The following SVOPL variants were observed in gnomAD, a reference collection of about 807,000 sequenced individuals.
The protein encoded by SVOPL is SVOP like, also known as putative transporter SVOPL.
In SVOPL, 60 loss-of-function variants were observed where a neutral mutation model predicts 61.0. The observed-to-expected ratio is 0.98, with a 90% CI of 0.80 to 1.22. SVOPL has a LOEUF of 1.22. Among genes scored for constraint, SVOPL ranks in the 50% most tolerant of loss-of-function variants. The pLI is 0.00. For synonymous variants in SVOPL, 279 were observed against 250.0 expected (o/e 1.12, Z -1.09); for missense variants, 662 against 643.9 (o/e 1.03, Z -0.30).
chr7:138,661,856 T>C (rs1428580846), intron 5 of SVOPL: 1 of 984,700 alleles, frequency 1.0e-6, no homozygotes, highest in African/African-American at 1.7e-5. Context: ...AACTCCCTAC[T>C]TATATTAATT....
rs1799534993 is a variant in SVOPL at position 138,620,923 on chromosome 7, C to T, written c.1353+123G>A. 6 of 863,272 alleles carry T rather than the reference C, an allele frequency of 7.0e-6. No homozygotes were observed. In the South Asian group the frequency reaches 8.0e-5, roughly 11 times the overall value. 53.5% of individuals were successfully genotyped at this position (863,272 alleles called of 1,614,324 possible). ...AATCCACCAAACAGCAGGGAAACGG[C>T]ACCTCCAGAAAACTCATGAAGTCAA... On this transcript the variant is annotated intron_variant, in intron 14 of 15. Coordinates refer to ENST00000674285, the MANE Select transcript of SVOPL (RefSeq NM_001139456.2).
chr7:138,657,956 T>G (rs555747178), intron 6 of SVOPL, among the ~76,000 whole-genome samples: 28 of 152,310 alleles, frequency 1.8e-4, no homozygotes, highest in African/African-American at 6.5e-4. Context: ...GCCATGGCAT[T>G]TGTAAGCTGT....
intron 4 of SVOPL, chr7:138,663,399 C>T: frequency 3.6e-6 from 5 of 1,375,030 alleles, no homozygotes; most frequent in Non-Finnish European, 4.7e-6. Flanking sequence ...CCGCTTGTTG[C>T]TAGAGGACGG....
intron 14 of SVOPL, among the ~76,000 whole-genome samples, chr7:138,616,374 T>C (rs1372506219): frequency 1.3e-5 from 2 of 151,770 alleles, no homozygotes; most frequent in Admixed American, 6.6e-5. Flanking sequence ...TTTGCTCTTG[T>C]TGACCAGGCT....
intron 15 of SVOPL, among the ~76,000 whole-genome samples, chr7:138,595,125 G>A (rs1199301077): frequency 6.6e-6 from 1 of 152,126 alleles, no homozygotes; most frequent in East Asian, 1.9e-4. Context: ...GTTTCTTAGA[G>A]TAGTTGTAAC....
chr7:138,644,843 A>G lies in SVOPL; in HGVS notation c.663T>C (p.Phe221=). ...CATTGAACCGGGCAGATTCAGGAATAAACTGGGTAGAGATTACAAAGAACA... is the reference window on the plus strand; with the variant it reads ...CATTGAACCGGGCAGATTCAGGAATGAACTGGGTAGAGATTACAAAGAACA... ...PGIILIVAFK[F]IPESARFNVS... Residue 221 remains phenylalanine, a splice_region_variant and synonymous_variant, in exon 9 of 16, where the codon TTT becomes TTC. Coordinates refer to ENST00000674285, the MANE Select transcript of SVOPL (RefSeq NM_001139456.2). 6.2e-7 allele frequency: 1 copy of G among 1,614,176 alleles called. No individual in the cohort carries two copies. The highest frequency in any genetic ancestry group is 8.5e-7 in the Non-Finnish European group (1 of 1,180,032).
Position 138,642,831 on chromosome 7 carries a change from C to CAAAAAAAAAA in SVOPL, c.789+1876_789+1885dup, listed in dbSNP as rs749603417. On this transcript the variant is annotated intron_variant, in intron 9 of 15. Coordinates refer to ENST00000674285, the MANE Select transcript of SVOPL (RefSeq NM_001139456.2). Reference sequence around the variant, plus strand: ...GACGATAGAGCGAGACTCCTACCTCCAAAAAAAAAAAAAAAAAAAGAAGAA... The same window carrying CAAAAAAAAAA: ...GACGATAGAGCGAGACTCCTACCTCCAAAAAAAAAAAAAAAAAAAAAAAAAAAAAGAAGAA... Among the ~76,000 whole-genome samples, 188 of 26,776 alleles carry CAAAAAAAAAA rather than the reference C, an allele frequency of 7.0e-3. 3 individuals are homozygous for CAAAAAAAAAA. The highest frequency in any genetic ancestry group is 0.014 in the African/African-American group (180 of 13,266). The allele number at this position is 26,776 out of a possible 152,430, so 17.6% of individuals were successfully genotyped here. A position where few individuals can be genotyped will look rare whatever the true frequency, so the allele number is the denominator to read the frequency against.
rs959476523 is a variant in SVOPL, at chr7:138,603,840, T to A, written c.1354-7310A>T. On this transcript the variant is annotated intron_variant, in intron 14 of 15. Transcript: ENST00000674285. ...CCTTCTCTTCTTTTAAACTTTCTTA[T>A]AAAAACCTTTCTCCTTGTGACAGAC... 2.0e-5 allele frequency among the ~76,000 whole-genome samples: 3 copies of A among 152,008 alleles called. No homozygotes were observed. In the South Asian group the frequency reaches 6.2e-4, roughly 32 times the overall value.
chr7:138,643,268 T>C (rs1326915851), intron 9 of SVOPL, among the ~76,000 whole-genome samples: 1 of 151,440 alleles, frequency 6.6e-6, no homozygotes, highest in Non-Finnish European at 1.5e-5. Context: ...CTACTAAAAA[T>C]ACAAAAATTA....
At chr7:138,694,897 C>T (rs922841869) in intron 1 of SVOPL, among the ~76,000 whole-genome samples, 6 of 151,982 alleles carry the variant, frequency 3.9e-5, no homozygotes, top group African/African-American at 1.5e-4. Context: ...CGCCACCACA[C>T]CCAGCTAATT....
chr7:138,594,687 C>T, intron 15 of SVOPL, 66 bp from the exon 16 acceptor site: 1 of 1,187,518 alleles, frequency 8.4e-7, no homozygotes, highest in Non-Finnish European at 1.2e-6. Flanking sequence ...TCATACTGAG[C>T]TATCTGATAT....
intron 7 of SVOPL, among the ~76,000 whole-genome samples, chr7:138,655,463 C>T (rs545717902): frequency 1.3e-5 from 2 of 152,114 alleles, no homozygotes; most frequent in Non-Finnish European, 2.9e-5. Context: ...CAAGATGGCG[C>T]CATTCCACTC....
At chr7:138,644,979 A>G in intron 8 of SVOPL, 134 bp from the exon 9 acceptor site, 1 of 1,131,436 alleles carries the variant, frequency 8.8e-7, no homozygotes, top group South Asian at 1.6e-5. Context: ...AAGGCATGCA[A>G]TGTAGCAGGT....
At chr7:138,598,561 A>G (rs1798375797) in intron 14 of SVOPL, among the ~76,000 whole-genome samples, 1 of 152,170 alleles carries the variant, frequency 6.6e-6, no homozygotes, top group Admixed American at 6.5e-5. Context: ...GATAAACCAT[A>G]TCCAGGGCCC....
In SVOPL at chr7:138,622,150, G is replaced by GTATC. The variant is rs1228398717; in HGVS notation, c.1264-1019_1264-1016dup. 1.6e-4 allele frequency among the ~76,000 whole-genome samples: 4 copies of GTATC among 24,356 alleles called. 1 individual carries two copies. The highest frequency in any genetic ancestry group is 2.7e-4 in the African/African-American group (2 of 7,326). 16.0% of individuals were successfully genotyped at this position (24,356 alleles called of 152,430 possible). ...TCTATCTATCTATGTATCTATCTAT[G>GTATC]TATCTATCTGTCTATGTATCTATCT... On this transcript the variant is annotated intron_variant, in intron 13 of 15. Transcript: ENST00000674285.
chr7:138,687,467 C>T (rs1004476252), intron 1 of SVOPL, among the ~76,000 whole-genome samples: 1 of 151,506 alleles, frequency 6.6e-6, no homozygotes, highest in Non-Finnish European at 1.5e-5. Flanking sequence ...AACTCCTGAC[C>T]TCAGGTGATC....
At chr7:138,700,813 A>G (rs1255898726) in intron 1 of SVOPL, among the ~76,000 whole-genome samples, 1 of 152,138 alleles carries the variant, frequency 6.6e-6, no homozygotes. Flanking sequence ...AAAAGCTACA[A>G]TGGGAAAGTA....
intron 9 of SVOPL, among the ~76,000 whole-genome samples, chr7:138,633,277 C>T (rs911271079): frequency 2.0e-5 from 3 of 152,184 alleles, no homozygotes; most frequent in Non-Finnish European, 4.4e-5. Flanking sequence ...CTCCAAGTCT[C>T]ATGTTGAAAT....
chr7:138,660,914 A>T, intron 5 of SVOPL: 1 of 985,056 alleles, frequency 1.0e-6, no homozygotes, highest in East Asian at 1.1e-4. Context: ...TTAAGGAAAA[A>T]TTTCCTTACA....
Sources: allele counts gnomAD v4.1 joint callset (sites outside exome capture counted in the v4.1 genomes callset), GRCh38; gene constraint gnomAD v4.1.1; transcripts MANE v1.5; gene names NCBI Gene and HGNC (gene_info 2026-07-23, HGNC 2026-07-21).